Variants in LANCL3 observed in about 807,000 individuals in gnomAD.
LANCL3 encodes the protein lanC-like protein 3.
In LANCL3, 19 loss-of-function variants were observed where a neutral mutation model predicts 26.5. The observed-to-expected ratio is 0.72, with a 90% CI of 0.50 to 1.05. LANCL3 has a LOEUF of 1.05. Among genes scored for constraint, LANCL3 ranks in the 50% least tolerant of loss-of-function variants. The probability of loss-of-function intolerance (pLI) is 0.00; values close to 1 mark genes in which losing one functional copy is unlikely to be tolerated. For missense variants in LANCL3, 318 were observed against 362.7 expected (o/e 0.88, Z 1.00); for synonymous variants, 160 against 166.6 (o/e 0.96, Z 0.30).
Position 37,618,781 on chromosome X carries a change from T to C in LANCL3, c.574-36907T>C, listed in dbSNP as rs1023920968. On this transcript the variant is annotated intron_variant, in intron 1 of 4. Transcript: ENST00000378619. ...CCACCCTGATGACTTCATCTTAACT[T>C]GATCATCTGTTTTCGAATAAAGTTA... Among the ~76,000 whole-genome samples, 127 of 112,129 alleles carry C rather than the reference T, an allele frequency of 1.1e-3. 1 individual carries two copies. The highest frequency in any genetic ancestry group is 3.8e-3 in the African/African-American group (117 of 30,856).
intron 1 of LANCL3, among the ~76,000 whole-genome samples, chrX:37,590,501 A>C (rs1924241798): frequency 8.9e-6 from 1 of 112,324 alleles, no homozygotes; most frequent in South Asian, 3.7e-4. Flanking sequence ...AAGCTATGTG[A>C]CTCACTGTCA....
intron 1 of LANCL3, among the ~76,000 whole-genome samples, chrX:37,645,056 T>C: frequency 8.9e-6 from 1 of 112,660 alleles, no homozygotes; most frequent in Non-Finnish European, 1.9e-5. Context: ...CTGAGACATT[T>C]AGTGTCTTAG....
chrX:37,611,928 TATTA>T (rs1396559273), intron 1 of LANCL3, among the ~76,000 whole-genome samples: 5 of 111,242 alleles, frequency 4.5e-5, no homozygotes, highest in African/African-American at 1.6e-4. Context: ...TATTTTATTT[TATTA>T]TTTTATTTTA....
At chrX:37,658,504 T>C (rs999737544) in intron 2 of LANCL3, among the ~76,000 whole-genome samples, 3 of 111,923 alleles carry the variant, frequency 2.7e-5, no homozygotes, top group Non-Finnish European at 5.6e-5. Context: ...TCCACCCACA[T>C]TGGAGAGAGC....
At chrX:37,595,280 C>T (rs1309305486) in intron 1 of LANCL3, among the ~76,000 whole-genome samples, 1 of 112,058 alleles carries the variant, frequency 8.9e-6, no homozygotes, top group African/African-American at 3.2e-5. Flanking sequence ...ATACAGATGA[C>T]GTGTTTTTAA....
intron 1 of LANCL3, among the ~76,000 whole-genome samples, chrX:37,649,730 T>A (rs1218116464): frequency 1.8e-5 from 2 of 111,120 alleles, no homozygotes; most frequent in East Asian, 5.6e-4. Context: ...CTCTTAGAGA[T>A]ATCAGAGGTC....
In LANCL3 at chrX:37,629,845, G is replaced by A. The variant is rs1441961773; in HGVS notation, c.574-25843G>A. On this transcript the variant is annotated intron_variant, in intron 1 of 4. Transcript: ENST00000378619. ...GTACCAGTACCATGCTGTTTTGGTT[G>A]CTGTAGCCTTGTAGTATAGTTTGAA... Among the ~76,000 whole-genome samples, 9 of 111,072 alleles carry A rather than the reference G, an allele frequency of 8.1e-5. No individual in the cohort carries two copies. The South Asian group carries it at 2.7e-3, about 33-fold the overall frequency.
At chrX:37,578,474 C>T (rs1923810584) in intron 1 of LANCL3, among the ~76,000 whole-genome samples, 1 of 111,808 alleles carries the variant, frequency 8.9e-6, no homozygotes, top group Non-Finnish European at 1.9e-5. Context: ...TCCAGGTCAC[C>T]TCCATGTGTC....
chrX:37,604,539 T>C (rs1196114797), intron 1 of LANCL3, among the ~76,000 whole-genome samples: 2 of 112,106 alleles, frequency 1.8e-5, no homozygotes, highest in Admixed American at 9.5e-5. Flanking sequence ...TGGGTCAGGC[T>C]TGGCTTATTT....
chrX:37,668,130 G>A (rs1186774166), intron 4 of LANCL3, among the ~76,000 whole-genome samples: 3 of 108,079 alleles, frequency 2.8e-5, no homozygotes, highest in African/African-American at 1.0e-4. Flanking sequence ...GTCTTAGGGG[G>A]ATATTTAGGT....
chrX:37,674,621 A>G (rs1926753481), intron 4 of LANCL3, among the ~76,000 whole-genome samples: 1 of 111,933 alleles, frequency 8.9e-6, no homozygotes, highest in Admixed American at 9.5e-5. Context: ...TAAAATTTTA[A>G]ATTCCATTTT....
At chrX:37,614,964 C>G (rs1230514045) in intron 1 of LANCL3, among the ~76,000 whole-genome samples, 1 of 112,299 alleles carries the variant, frequency 8.9e-6, no homozygotes. Flanking sequence ...GTGTTATGCC[C>G]TGTTCTAAGC....
chrX:37,652,258 G>A (rs1454518437), intron 1 of LANCL3, among the ~76,000 whole-genome samples: 1 of 111,069 alleles, frequency 9.0e-6, no homozygotes, highest in Non-Finnish European at 1.9e-5. Flanking sequence ...TCAGTGGTGA[G>A]GCCAGCATTC....
At chrX:37,579,449 G>T (rs1171210988) in intron 1 of LANCL3, among the ~76,000 whole-genome samples, 1 of 111,770 alleles carries the variant, frequency 8.9e-6, no homozygotes, top group African/African-American at 3.3e-5. Flanking sequence ...CCATGGGGCA[G>T]GTGGTTTACA....
rs1362308421 is a variant in LANCL3, at chrX:37,625,472, C to T, written c.574-30216C>T. ...TGAAGGGACCTCCTGGTAGCTTCTG[C>T]GTACCCATAATAGAACACAACACAG... On this transcript the variant is annotated intron_variant, in intron 1 of 4. Coordinates refer to ENST00000378619, the MANE Select transcript of LANCL3 (RefSeq NM_001170331.2). Among the ~76,000 whole-genome samples the T allele has an allele frequency of 2.1e-4, 23 of 111,064 alleles. 1 individual carries two copies. Among genetic ancestry groups the T allele is most frequent in the Admixed American group, 2.0e-3 (21 of 10,426 alleles).
At chrX:37,658,592 G>A (rs782318767) in intron 2 of LANCL3, among the ~76,000 whole-genome samples, 3 of 111,986 alleles carry the variant, frequency 2.7e-5, no homozygotes, top group East Asian at 2.8e-4. Flanking sequence ...CAGAAGTGAC[G>A]TTTAACCAAA....
chrX:37,628,615 A>T (rs1556423539), intron 1 of LANCL3, among the ~76,000 whole-genome samples: 1 of 63,495 alleles, frequency 1.6e-5, no homozygotes. Flanking sequence ...ACCCCACAAC[A>T]GTCCCCAGAG....
chrX:37,662,434 G>C (rs1050760084), intron 3 of LANCL3, among the ~76,000 whole-genome samples: 16 of 111,791 alleles, frequency 1.4e-4, no homozygotes, highest in African/African-American at 4.6e-4. Flanking sequence ...AAAAGCTCTT[G>C]GGTAGGTGAC....
intron 1 of LANCL3, among the ~76,000 whole-genome samples, chrX:37,611,830 A>G (rs1052975320): frequency 1.8e-5 from 2 of 112,418 alleles, no homozygotes; most frequent in African/African-American, 3.2e-5. Flanking sequence ...CCTAGGTCAT[A>G]TGACTGTTTT....
Sources: allele counts gnomAD v4.1 joint callset (sites outside exome capture counted in the v4.1 genomes callset), GRCh38; gene constraint gnomAD v4.1.1; transcripts MANE v1.5; gene names NCBI Gene and HGNC (gene_info 2026-07-23, HGNC 2026-07-21).